Variants in SNX29 observed in about 807,000 individuals in gnomAD.
The protein encoded by SNX29 is sorting nexin 29, also known as sorting nexin-29.
Under a neutral mutation model 102.1 loss-of-function variants are expected in SNX29, and 78 were observed. The ratio of observed to expected loss-of-function variants is 0.76; its 90% CI spans 0.64 to 0.92. The LOEUF (loss-of-function observed/expected upper bound fraction) is 0.92, where lower values mean the gene tolerates loss of function less well. Ranked by LOEUF, SNX29 falls within the 40% of genes least tolerant of loss-of-function variation. The pLI, the probability that SNX29 is intolerant of heterozygous loss-of-function variation, is 0.00. For synonymous variants in SNX29, 580 were observed against 414.5 expected (o/e 1.40, Z -4.85); for missense variants, 1,280 against 1,061.7 (o/e 1.21, Z -2.86).
At chr16:12,109,838 C>G (rs1416776189) in intron 11 of SNX29, among the ~76,000 whole-genome samples, 2 of 152,094 alleles carry the variant, frequency 1.3e-5, no homozygotes, top group African/African-American at 4.8e-5. Flanking sequence ...TCAAGCAGTT[C>G]TCCTGCCTCA....
chr16:11,986,864 C>T (rs1349023172), intron 1 of SNX29, among the ~76,000 whole-genome samples: 1 of 152,048 alleles, frequency 6.6e-6, no homozygotes. Context: ...GGCTGTGTTC[C>T]AATAAAACTT....
In SNX29 at chr16:12,573,056, A is replaced by C. The variant is rs148245424; in HGVS notation, c.*4427A>C. On this transcript the variant is annotated 3_prime_UTR_variant, in exon 21 of 21. Transcript: ENST00000566228. ...TCCGTGCTAATTCTGCAGTTGTAGCACTGTATATTTTATCTCATTTCTGTG... is the reference window on the plus strand; with the variant it reads ...TCCGTGCTAATTCTGCAGTTGTAGCCCTGTATATTTTATCTCATTTCTGTG... 108 of 234,272 alleles carry C rather than the reference A, an allele frequency of 4.6e-4. 1 individual carries two copies. The highest frequency in any genetic ancestry group is 2.1e-3 in the African/African-American group (97 of 45,318). The allele number at this position is 234,272 out of a possible 1,614,324, so 14.5% of individuals were successfully genotyped here.
At chr16:12,223,324 G>T (rs1416912788) in intron 14 of SNX29, among the ~76,000 whole-genome samples, 4 of 152,162 alleles carry the variant, frequency 2.6e-5, no homozygotes, top group Admixed American at 2.0e-4. Context: ...CCAGGAGTTT[G>T]AGACCATCGT....
chr16:12,031,877 A>C (rs970567381), intron 4 of SNX29, among the ~76,000 whole-genome samples: 6 of 152,196 alleles, frequency 3.9e-5, no homozygotes, highest in Admixed American at 2.0e-4. Context: ...CATTTCAGCC[A>C]TTTGAAGTGT....
chr16:12,153,924 G>C (rs2141607422), intron 13 of SNX29, among the ~76,000 whole-genome samples: 1 of 152,298 alleles, frequency 6.6e-6, no homozygotes, highest in African/African-American at 2.4e-5. Context: ...TTCCAGTTCT[G>C]TTCTTCTACC....
intron 14 of SNX29, among the ~76,000 whole-genome samples, chr16:12,231,611 A>G (rs2077772960): frequency 6.6e-6 from 1 of 152,208 alleles, no homozygotes; most frequent in African/African-American, 2.4e-5. Flanking sequence ...CCTTTTGTGT[A>G]CAGAATTTCC....
In SNX29 at chr16:12,043,088, G is replaced by A. The variant is rs572683392; in HGVS notation, c.428+11G>A. 5.4e-5 allele frequency: 87 copies of A among 1,612,518 alleles called. No homozygotes were observed. The South Asian group carries it at 8.5e-4, about 16-fold the overall frequency. ...CCGCTGCAGGCTGAGGTACGTGGCC[G>A]GGATGCGAACTGGGATGGGATGGAG... is the stretch of plus-strand genomic sequence containing the variant. On this transcript the variant is annotated intron_variant, in intron 5 of 20. Coordinates refer to ENST00000566228, the MANE Select transcript of SNX29 (RefSeq NM_032167.5).
intron 12 of SNX29, among the ~76,000 whole-genome samples, chr16:12,128,135 T>A (rs1401258459): frequency 2.0e-5 from 3 of 152,252 alleles, no homozygotes; most frequent in Non-Finnish European, 2.9e-5. Context: ...AAGGAATCTT[T>A]AGACCGCACC....
chr16:12,032,493 A>G (rs2057372775), intron 4 of SNX29, among the ~76,000 whole-genome samples: 1 of 152,088 alleles, frequency 6.6e-6, no homozygotes, highest in Non-Finnish European at 1.5e-5. Flanking sequence ...GGCATGAGCA[A>G]CCGCGCCTGG....
At chr16:12,440,077 C>T (rs975843010) in intron 18 of SNX29, among the ~76,000 whole-genome samples, 16 of 152,108 alleles carry the variant, frequency 1.1e-4, no homozygotes, top group African/African-American at 9.7e-5. Context: ...CCCACCCCAC[C>T]GGATTGACTC....
chr16:12,280,107 T>G (rs977192702), intron 15 of SNX29, among the ~76,000 whole-genome samples: 2 of 152,186 alleles, frequency 1.3e-5, no homozygotes, highest in African/African-American at 2.4e-5. Context: ...TGCCACTAGT[T>G]CATTCGTGGG....
At chr16:12,541,099 G>C (rs1005518965) in intron 20 of SNX29, among the ~76,000 whole-genome samples, 9 of 152,302 alleles carry the variant, frequency 5.9e-5, no homozygotes, top group Middle Eastern at 3.4e-3. Flanking sequence ...TCCACTCCAG[G>C]TTTGAAAGCT....
intron 17 of SNX29, among the ~76,000 whole-genome samples, chr16:12,402,583 G>C (rs1286740944): frequency 6.6e-6 from 1 of 152,150 alleles, no homozygotes; most frequent in South Asian, 2.1e-4. Flanking sequence ...ATCCAGCCGG[G>C]TACAAATGTG....
intron 19 of SNX29, among the ~76,000 whole-genome samples, chr16:12,496,710 C>A (rs1378486161): frequency 6.6e-6 from 1 of 152,024 alleles, no homozygotes; most frequent in Non-Finnish European, 1.5e-5. Flanking sequence ...AGGGTTTCAC[C>A]ATGTTGGCCA....
chr16:12,456,868 G>A (rs1235967386), intron 18 of SNX29, among the ~76,000 whole-genome samples: 1 of 152,128 alleles, frequency 6.6e-6, no homozygotes, highest in Non-Finnish European at 1.5e-5. Context: ...GAGCTGCTCA[G>A]GAGCACCCTC....
intron 18 of SNX29, among the ~76,000 whole-genome samples, chr16:12,471,479 C>T (rs1480957143): frequency 1.3e-5 from 2 of 152,194 alleles, no homozygotes; most frequent in African/African-American, 4.8e-5. Context: ...GCAAGGGGTG[C>T]AGCTGGAATT....
At chr16:12,401,955 G>C (rs956409968) in intron 17 of SNX29, among the ~76,000 whole-genome samples, 7 of 152,180 alleles carry the variant, frequency 4.6e-5, no homozygotes, top group Non-Finnish European at 8.8e-5. Context: ...CTAACCCTGG[G>C]AGGTTGTCCA....
At chr16:12,509,027 G>A (rs922298480) in intron 19 of SNX29, among the ~76,000 whole-genome samples, 1 of 152,112 alleles carries the variant, frequency 6.6e-6, no homozygotes, top group Non-Finnish European at 1.5e-5. Flanking sequence ...ACGTTGGCTG[G>A]TGCTAACATT....
rs539126932 is a variant in SNX29, at chr16:12,570,681, C to G, written c.*2052C>G. 7.9e-4 allele frequency: 184 copies of G among 232,114 alleles called. No individual in the cohort carries two copies. Among genetic ancestry groups the G allele is most frequent in the Middle Eastern group, 2.6e-3 (2 of 782 alleles). 14.4% of individuals were successfully genotyped at this position (232,114 alleles called of 1,614,324 possible). The stretch of plus-strand genomic sequence containing the variant: ...TTGGGCCCAGGCTTATGACCTGCAC[C>G]TTTTCTGACACCTGCCCCCAAAGCA... On this transcript the variant is annotated 3_prime_UTR_variant, in exon 21 of 21. Coordinates refer to ENST00000566228, the MANE Select transcript of SNX29 (RefSeq NM_032167.5).
Sources: allele counts gnomAD v4.1 joint callset (sites outside exome capture counted in the v4.1 genomes callset), GRCh38; gene constraint gnomAD v4.1.1; transcripts MANE v1.5; gene names NCBI Gene and HGNC (gene_info 2026-07-23, HGNC 2026-07-21).